Variants in ANKRD18A observed in about 807,000 individuals in gnomAD.
The protein encoded by ANKRD18A is ankyrin repeat domain 18A, also known as ankyrin repeat domain-containing protein 18A.
ANKRD18A carries 72 observed loss-of-function variants against 110.6 expected under a neutral mutation model. That is an observed-to-expected ratio of 0.65 (90% CI 0.54 to 0.79). ANKRD18A has a LOEUF of 0.79. Ranked by LOEUF, ANKRD18A falls within the 30% of genes least tolerant of loss-of-function variation. The pLI, the probability that ANKRD18A is intolerant of heterozygous loss-of-function variation, is 0.00. For missense variants in ANKRD18A, 934 were observed against 1,163.3 expected, an observed-to-expected ratio of 0.80 and a Z score of 2.87; for synonymous variants, 305 against 410.3, an observed-to-expected ratio of 0.74 and a Z score of 3.10.
At chr9:38,598,534 CTTTTTTTCTT>C (rs1453915008) in intron 8 of ANKRD18A, among the ~76,000 whole-genome samples, 3 of 152,186 alleles carry the variant, frequency 2.0e-5, no homozygotes, top group East Asian at 3.8e-4. Context: ...TATAGTTGAA[CTTTTTTTCTT>C]CAAAGCCAGG....
intron 6 of ANKRD18A, chr9:38,604,798 T>A (rs1362312176): frequency 2.4e-5 from 2 of 84,076 alleles, no homozygotes; most frequent in Non-Finnish European, 4.6e-5. Flanking sequence ...CTCCATATAT[T>A]TTTTTTTTGC....
At chr9:38,619,365 A>G (rs1305779237) in intron 1 of ANKRD18A, among the ~76,000 whole-genome samples, 1 of 152,172 alleles carries the variant, frequency 6.6e-6, no homozygotes, top group Non-Finnish European at 1.5e-5. Flanking sequence ...ATCCCTATGT[A>G]TATATCTTAC....
intron 15 of ANKRD18A, chr9:38,573,120 C>G (rs1208568523): frequency 2.2e-6 from 3 of 1,341,200 alleles, no homozygotes; most frequent in South Asian, 2.1e-5. Context: ...TCTACACGGT[C>G]CAGCTCCATC....
intron 3 of ANKRD18A, among the ~76,000 whole-genome samples, chr9:38,613,444 C>A (rs1234324935): frequency 6.6e-6 from 1 of 151,900 alleles, no homozygotes; most frequent in Non-Finnish European, 1.5e-5. Flanking sequence ...GCATGTGGAA[C>A]TTTTTCTCTG....
intron 15 of ANKRD18A, among the ~76,000 whole-genome samples, chr9:38,574,560 G>A (rs565576306): frequency 9.9e-5 from 15 of 151,970 alleles, no homozygotes; most frequent in Admixed American, 4.6e-4. Flanking sequence ...CAGGTGATCC[G>A]CCTGCCTCGG....
chr9:38,596,627 C>T (rs559652682), intron 8 of ANKRD18A, among the ~76,000 whole-genome samples: 5 of 152,136 alleles, frequency 3.3e-5, no homozygotes, highest in Non-Finnish European at 5.9e-5. Context: ...AATACACACA[C>T]ACACACTCTA....
chr9:38,583,445 G>A (rs1299126399), intron 12 of ANKRD18A, among the ~76,000 whole-genome samples: 4 of 152,142 alleles, frequency 2.6e-5, no homozygotes, highest in Non-Finnish European at 4.4e-5. Context: ...GTGCAGTGGC[G>A]TGATCTCAGC....
chr9:38,613,106 G>T (rs1157385693), intron 3 of ANKRD18A, among the ~76,000 whole-genome samples: 2 of 152,036 alleles, frequency 1.3e-5, no homozygotes, highest in Admixed American at 1.3e-4. Context: ...TAAAAAAGGA[G>T]TTAAAGCTCA....
intron 12 of ANKRD18A, among the ~76,000 whole-genome samples, chr9:38,581,487 T>C (rs887501772): frequency 3.3e-5 from 5 of 152,170 alleles, no homozygotes; most frequent in African/African-American, 1.2e-4. Flanking sequence ...CTGATTTCAA[T>C]TAATGAAAAT....
chr9:38,620,502 G>A lies in ANKRD18A; in HGVS notation c.-217C>T. The A allele has an allele frequency of 2.1e-6, 3 of 1,413,056 alleles. 1 individual carries two copies. In the South Asian group the frequency reaches 4.7e-5, roughly 22 times the overall value. The allele number at this position is 1,413,056 out of a possible 1,614,324, so 87.5% of individuals were successfully genotyped here. Reference sequence around the variant, plus strand: ...CCGGTCCACCACAGCCTTCAGCAGCGACACTCGCAGACTCCGACCTCTCAG... The same window carrying A: ...CCGGTCCACCACAGCCTTCAGCAGCAACACTCGCAGACTCCGACCTCTCAG... On this transcript the variant is annotated 5_prime_UTR_variant, in exon 1 of 16. Coordinates refer to ENST00000399703, the MANE Select transcript of ANKRD18A (RefSeq NM_147195.4).
rs538744402 is a variant in ANKRD18A, at chr9:38,597,532, T to C, written c.937-1129A>G. 2.0e-5 allele frequency among the ~76,000 whole-genome samples: 3 copies of C among 152,200 alleles called. No individual in the cohort carries two copies. In the South Asian group the frequency reaches 6.2e-4, roughly 32 times the overall value. On this transcript the variant is annotated intron_variant, in intron 8 of 15. Transcript: ENST00000399703. The stretch of plus-strand genomic sequence containing the variant: ...ATACTGGAAGTAAAACCAAGAAATA[T>C]TAAGTAACTCACCCAAAGCTCCTAA...
Position 38,615,794 on chromosome 9 carries a change from C to G in ANKRD18A, c.322-27G>C, listed in dbSNP as rs756174320. On this transcript the variant is annotated intron_variant, in intron 2 of 15. Coordinates refer to ENST00000399703, the MANE Select transcript of ANKRD18A (RefSeq NM_147195.4). Reference sequence around the variant, plus strand: ...TATTAGTGTTAGATAAAAAACTAGACTATAAATTCTAAGAATTCAAAATAC... The same window carrying G: ...TATTAGTGTTAGATAAAAAACTAGAGTATAAATTCTAAGAATTCAAAATAC... The G allele has an allele frequency of 1.9e-6, 3 of 1,595,234 alleles. No individual in the cohort carries two copies. The East Asian group carries it at 6.7e-5, about 36-fold the overall frequency.
rs184116953 is a variant in ANKRD18A at position 38,617,180 on chromosome 9, G to A, written c.207-1136C>T. Among the ~76,000 whole-genome samples, 159 of 152,282 alleles carry A rather than the reference G, an allele frequency of 1.0e-3. 2 individuals are homozygous for A. The East Asian group carries it at 0.021, about 20-fold the overall frequency. ...AAGCTGGCCGGGCCCAGTGGCTCAC[G>A]CCTGTGATCCCAGCACTTTGGGAGG... On this transcript the variant is annotated intron_variant, in intron 1 of 15. Transcript: ENST00000399703.
chr9:38,594,192 G>A (rs1430538566), intron 9 of ANKRD18A, among the ~76,000 whole-genome samples: 3 of 152,018 alleles, frequency 2.0e-5, no homozygotes, highest in East Asian at 3.9e-4. Flanking sequence ...ATATTCAGTC[G>A]CCTGTTGAAA....
rs866752033 is a variant in ANKRD18A, at chr9:38,575,696, G to C, written c.2744C>G (p.Ser915Trp). The C allele has an allele frequency of 1.3e-6, 2 of 1,548,724 alleles. No homozygotes were observed. Among genetic ancestry groups the C allele is most frequent in the Admixed American group, 2.0e-5 (1 of 50,466 alleles). The part of the protein sequence containing the change: ...NNSMSKKLMK[S>W]DKKIAVISTK... Reference sequence around the variant, plus strand: ...GCTGATCACTGCTATTTTCTTATCCGATCTGTAAAGAGAGCAAAGACAAAT... The same window carrying C: ...GCTGATCACTGCTATTTTCTTATCCCATCTGTAAAGAGAGCAAAGACAAAT... The change falls in exon 15 of 16, where the codon TCG (serine) becomes TGG (tryptophan). Residue 915 changes from serine to tryptophan, a missense_variant and splice_region_variant. Physicochemically the swap from Ser to Trp is radical, Grantham distance 177. This residue lies in a region of ANKRD18A where 223 missense variants were observed against 226.7 expected (regional missense o/e 0.98). Coordinates refer to ENST00000399703, the MANE Select transcript of ANKRD18A (RefSeq NM_147195.4).
At chr9:38,594,593 A>T (rs1345068552) in intron 9 of ANKRD18A, among the ~76,000 whole-genome samples, 1 of 152,182 alleles carries the variant, frequency 6.6e-6, no homozygotes, top group Non-Finnish European at 1.5e-5. Flanking sequence ...TTTTATAACA[A>T]GTAGAAGTCT....
chr9:38,588,920 C>T (rs1219127477), intron 10 of ANKRD18A, among the ~76,000 whole-genome samples: 1 of 152,136 alleles, frequency 6.6e-6, no homozygotes, highest in Non-Finnish European at 1.5e-5. Flanking sequence ...AGAGTTTTTA[C>T]ACATAAAGTA....
chr9:38,573,808 A>C (rs571225033), intron 15 of ANKRD18A, among the ~76,000 whole-genome samples: 17 of 152,348 alleles, frequency 1.1e-4, no homozygotes, highest in African/African-American at 4.1e-4. Flanking sequence ...TCTGTCCTTT[A>C]CAAAAGTTTA....
intron 12 of ANKRD18A, among the ~76,000 whole-genome samples, chr9:38,581,579 G>A (rs1322376894): frequency 6.6e-6 from 1 of 151,832 alleles, no homozygotes; most frequent in African/African-American, 2.4e-5. Flanking sequence ...AGGAAATAAG[G>A]AGAAAATTAT....
Sources: gnomAD v4.1 joint callset for allele counts (sites outside exome capture counted in the v4.1 genomes callset) on GRCh38, gnomAD v4.1.1 for gene constraint, gnomAD v4.1.1 regional missense constraint, MANE v1.5 for transcripts, NCBI Gene and HGNC (gene_info 2026-07-23, HGNC 2026-07-21) for gene names.